Variants in IGSF9B observed in about 807,000 individuals in gnomAD.
The protein encoded by IGSF9B is protein turtle homolog B.
IGSF9B carries 48 observed loss-of-function variants against 143.7 expected under a neutral mutation model. That is an observed-to-expected ratio of 0.33 (90% CI 0.26 to 0.42). IGSF9B has a LOEUF of 0.42. IGSF9B is among the 20% of genes least tolerant of loss of function. The pLI is 1.00. For synonymous variants in IGSF9B, 903 were observed against 833.1 expected, an observed-to-expected ratio of 1.08 and a Z score of -1.44; for missense variants, 1,706 against 1,980.0, an observed-to-expected ratio of 0.86 and a Z score of 2.63.
In IGSF9B at chr11:133,900,075, G is replaced by A. The variant is rs1294937988; in HGVS notation, c.*8994C>T. 2 of 148,120 alleles carry A rather than the reference G, an allele frequency of 1.4e-5. No homozygotes were observed. Among genetic ancestry groups the A allele is most frequent in the African/African-American group, 4.9e-5 (2 of 41,102 alleles). 9.2% of individuals were successfully genotyped at this position (148,120 alleles called of 1,614,324 possible). A position where few individuals can be genotyped will look rare whatever the true frequency, so the allele number is the denominator to read the frequency against. On this transcript the variant is annotated 3_prime_UTR_variant, in exon 20 of 20. Transcript: ENST00000533871. ...GGCAGGGCCTCATAGGTCCATGTAA[G>A]GATCAAGAGTTAGACTCAAGCTTTA...
In IGSF9B at chr11:133,899,923, G is replaced by C. The variant is rs928605118; in HGVS notation, c.*9146C>G. 9 of 152,252 alleles carry C rather than the reference G, an allele frequency of 5.9e-5. No homozygotes were observed. The highest frequency in any genetic ancestry group is 2.2e-4 in the African/African-American group (9 of 41,548). The allele number at this position is 152,252 out of a possible 1,614,324, so 9.4% of individuals were successfully genotyped here. ...CATTCAAGGCAAGGATGGTGCCACT[G>C]ACAGTGGCACCAGCACTGGATCCTT... is the stretch of plus-strand genomic sequence containing the variant. On this transcript the variant is annotated 3_prime_UTR_variant, in exon 20 of 20. Coordinates refer to ENST00000533871, the MANE Select transcript of IGSF9B (RefSeq NM_001277285.4).
At chr11:133,923,888 T>C (rs1939582560) in intron 15 of IGSF9B, among the ~76,000 whole-genome samples, 1 of 152,244 alleles carries the variant, frequency 6.6e-6, no homozygotes, top group African/African-American at 2.4e-5. Flanking sequence ...CTCTCATCCC[T>C]GTTCCTCCAA....
rs777946193 is a variant in IGSF9B at position 133,952,103 on chromosome 11, G to A, written c.64+4588C>T. ...GACTCCTCCCAGCTCTGGCGCACTC[G>A]GACTCTTTCTCCAGAGCCCTCTTGG... is the stretch of plus-strand genomic sequence containing the variant. On this transcript the variant is annotated intron_variant, in intron 1 of 19. Transcript: ENST00000533871. The A allele has an allele frequency of 1.6e-4, 71 of 452,998 alleles. 1 individual carries two copies. Among genetic ancestry groups the A allele is most frequent in the Non-Finnish European group, 1.8e-5 (4 of 224,610 alleles). 28.1% of individuals were successfully genotyped at this position (452,998 alleles called of 1,614,324 possible). A position where few individuals can be genotyped will look rare whatever the true frequency, so the allele number is the denominator to read the frequency against.
rs760587799 is a variant in IGSF9B, at chr11:133,901,876, C to CCA, written c.*7191_*7192dup. On this transcript the variant is annotated 3_prime_UTR_variant, in exon 20 of 20. Coordinates refer to ENST00000533871, the MANE Select transcript of IGSF9B (RefSeq NM_001277285.4). ...GCACCACACACGCACCACACACGCA[C>CCA]CACACACACACACAACACACACACA... is the stretch of plus-strand genomic sequence containing the variant. Among the ~76,000 whole-genome samples, 14 of 142,268 alleles carry CCA rather than the reference C, an allele frequency of 9.8e-5. No individual in the cohort carries two copies. In the East Asian group the frequency reaches 2.5e-3, roughly 26 times the overall value. The allele number at this position is 142,268 out of a possible 152,430, so 93.3% of individuals were successfully genotyped here.
Position 133,898,017 on chromosome 11 carries a change from A to C in IGSF9B, c.*11052T>G, listed in dbSNP as rs1010729846. ...AAAAATCAGAAAGAAGACAAAATAC[A>C]GCAAGATATCAGGAGCCAGTGGGAG... On this transcript the variant is annotated 3_prime_UTR_variant, in exon 20 of 20. Coordinates refer to ENST00000533871, the MANE Select transcript of IGSF9B (RefSeq NM_001277285.4). 1.3e-5 allele frequency: 2 copies of C among 152,228 alleles called. No individual in the cohort carries two copies. Among genetic ancestry groups the C allele is most frequent in the African/African-American group, 2.4e-5 (1 of 41,454 alleles). 9.4% of individuals were successfully genotyped at this position (152,228 alleles called of 1,614,324 possible). A position where few individuals can be genotyped will look rare whatever the true frequency, so the allele number is the denominator to read the frequency against.
chr11:133,956,643 C>T, intron 1 of IGSF9B, 48 bp downstream of exon 1: 1 of 1,339,242 alleles, frequency 7.5e-7, no homozygotes, highest in Non-Finnish European at 1.0e-6. Flanking sequence ...GCGCGAGGGG[C>T]CGAGGGCGCC....
chr11:133,952,307 A>G (rs1294424905), intron 1 of IGSF9B: 2 of 287,072 alleles, frequency 7.0e-6, no homozygotes, highest in Non-Finnish European at 1.4e-5. Flanking sequence ...ACTGAGACAC[A>G]GCCACACCCT....
Position 133,919,892 on chromosome 11 carries a change from A to G in IGSF9B, c.3833T>C (p.Leu1278Pro). The change falls in exon 18 of 20, where the codon CTG becomes CCG. Residue 1278 changes from leucine (L) to proline (P), a missense_variant. Physicochemically the swap from Leu to Pro is moderately conservative, Grantham distance 98. Coordinates refer to ENST00000533871, the MANE Select transcript of IGSF9B (RefSeq NM_001277285.4). Reference sequence around the variant, plus strand: ...TGGAGGGGAAGGGTAGCCGGTGGCCAGAGTGGTGAAGCCCATGGCGGGCCG... The same window carrying G: ...TGGAGGGGAAGGGTAGCCGGTGGCCGGAGTGGTGAAGCCCATGGCGGGCCG... Reference protein sequence around the residue: ...SYRPAMGFTTLATGYPSPPPG... With the variant: ...SYRPAMGFTTPATGYPSPPPG... 6.3e-7 allele frequency: 1 copy of G among 1,579,192 alleles called. No individual in the cohort carries two copies. Among genetic ancestry groups the G allele is most frequent in the Non-Finnish European group, 8.6e-7 (1 of 1,162,056 alleles).
chr11:133,904,759 C>A lies in IGSF9B; in HGVS notation c.*4310G>T, dbSNP rs542788631. Among the ~76,000 whole-genome samples the A allele has an allele frequency of 5.3e-4, 80 of 152,040 alleles. No homozygotes were observed. Among genetic ancestry groups the A allele is most frequent in the African/African-American group, 1.9e-3 (79 of 41,430 alleles). The stretch of plus-strand genomic sequence containing the variant: ...CCCATGCCTGACCTCACCCTCTGTG[C>A]CCCTTCCAGCCTCACCAACACCTGG... On this transcript the variant is annotated 3_prime_UTR_variant, in exon 20 of 20. Coordinates refer to ENST00000533871, the MANE Select transcript of IGSF9B (RefSeq NM_001277285.4).
intron 18 of IGSF9B, among the ~76,000 whole-genome samples, chr11:133,917,212 G>A (rs1939403576): frequency 6.6e-6 from 1 of 152,318 alleles, no homozygotes; most frequent in Admixed American, 6.5e-5. Flanking sequence ...CCCAGGCACA[G>A]GGCAGAGGGT....
Position 133,901,647 on chromosome 11 carries a change from T to TA in IGSF9B, c.*7421dup, listed in dbSNP as rs1454804783. 1 of 152,106 alleles carries TA rather than the reference T, an allele frequency of 6.6e-6. No homozygotes were observed. Among genetic ancestry groups the TA allele is most frequent in the Admixed American group, 6.5e-5 (1 of 15,280 alleles). 9.4% of individuals were successfully genotyped at this position (152,106 alleles called of 1,614,324 possible). On this transcript the variant is annotated 3_prime_UTR_variant, in exon 20 of 20. Coordinates refer to ENST00000533871, the MANE Select transcript of IGSF9B (RefSeq NM_001277285.4). ...TATATAATTTTATGTACAGTCTCCA[T>TA]AAAAAATACATTAAAGATGGTGCAT...
intron 18 of IGSF9B, among the ~76,000 whole-genome samples, chr11:133,915,657 G>A (rs1008659391): frequency 6.6e-6 from 1 of 152,208 alleles, no homozygotes; most frequent in Non-Finnish European, 1.5e-5. Flanking sequence ...GAAAGATGCA[G>A]CCAGGTCAAA....
chr11:133,918,966 C>T (rs1033724405), intron 18 of IGSF9B: 7 of 469,316 alleles, frequency 1.5e-5, no homozygotes, highest in East Asian at 6.9e-5. Context: ...GGAGCGGGGA[C>T]GGCAGGGAAG....
chr11:133,920,995 G>A lies in IGSF9B; in HGVS notation c.2730C>T (p.Ser910=), dbSNP rs760958290. 6.2e-7 allele frequency: 1 copy of A among 1,611,262 alleles called. No homozygotes were observed. Among genetic ancestry groups the A allele is most frequent in the Non-Finnish European group, 8.5e-7 (1 of 1,178,102 alleles). ...GGCTGGATGACAGAGGGGTGAGCTG[G>A]GACTTCAGGGCGGCCACAGATGTGG... ...LVPTSVAALK[S]QLTPLSSSQE... is the part of the protein sequence containing the mutation. Residue 910 remains serine, a synonymous_variant, in exon 18 of 20, where the codon TCC becomes TCT. Transcript: ENST00000533871.
rs1939097883 is a variant in IGSF9B, at chr11:133,900,260, T to A, written c.*8809A>T. ...GGGGTTAGTACTGCCCTTTTCTGAG[T>A]GATGAGCAGGAATAAGGAGCCGAAA... is the stretch of plus-strand genomic sequence containing the variant. On this transcript the variant is annotated 3_prime_UTR_variant, in exon 20 of 20. Transcript: ENST00000533871. 2 of 152,514 alleles carry A rather than the reference T, an allele frequency of 1.3e-5. No homozygotes were observed. The highest frequency in any genetic ancestry group is 4.2e-4 in the South Asian group (2 of 4,814). The allele number at this position is 152,514 out of a possible 1,614,324, so 9.4% of individuals were successfully genotyped here. A position where few individuals can be genotyped will look rare whatever the true frequency, so the allele number is the denominator to read the frequency against.
Position 133,929,751 on chromosome 11 carries a change from C to G in IGSF9B, c.1551G>C (p.Arg517=). 1 of 1,613,802 alleles carries G rather than the reference C, an allele frequency of 6.2e-7. No homozygotes were observed. The highest frequency in any genetic ancestry group is 8.5e-7 in the Non-Finnish European group (1 of 1,179,754). Residue 517 remains arginine (R), a synonymous_variant, in exon 12 of 20, where the codon CGG becomes CGC. Transcript: ENST00000533871. ...TGGCAGTTGTCATGGAGACCTGGAC[C>G]CGGACACTGCCCGGGGCATGGGGGC... ...GTSPHAPGSV[R]VQVSMTTANV... is the part of the protein sequence containing the mutation.
At chr11:133,919,626 C>A in intron 18 of IGSF9B, 116 bp downstream of exon 18, 2 of 679,440 alleles carry the variant, frequency 2.9e-6, no homozygotes, top group Non-Finnish European at 4.4e-6. Flanking sequence ...GACGCCGGTG[C>A]GGCATGTCCG....
In IGSF9B at chr11:133,908,983, G is replaced by A. The variant is rs1939257438; in HGVS notation, c.*86C>T. ...ACAAAGGTCTGGGCCGCCCTTGGCA[G>A]ACGGAGGAGGACACACCCCCACACA... On this transcript the variant is annotated 3_prime_UTR_variant, in exon 20 of 20. Transcript: ENST00000533871. The A allele has an allele frequency of 8.4e-7, 1 of 1,193,706 alleles. No homozygotes were observed. The highest frequency in any genetic ancestry group is 1.5e-5 in the African/African-American group (1 of 66,372). The allele number at this position is 1,193,706 out of a possible 1,614,324, so 73.9% of individuals were successfully genotyped here.
In IGSF9B at chr11:133,945,341, G is replaced by A. The variant is rs746888183; in HGVS notation, c.262+720C>T. 6.6e-6 allele frequency among the ~76,000 whole-genome samples: 1 copy of A among 152,188 alleles called. No homozygotes were observed. Among genetic ancestry groups the A allele is most frequent in the African/African-American group, 2.4e-5 (1 of 41,452 alleles). On this transcript the variant is annotated intron_variant, in intron 2 of 19. Coordinates refer to ENST00000533871, the MANE Select transcript of IGSF9B (RefSeq NM_001277285.4). The surrounding 1 kb of genome is among the most constrained non-coding windows in gnomAD (Gnocchi z 4.6). ...ACAGGAGCGAAAGAGGGACAGAGAC[G>A]GAAGCATTCTGAGAAAGGCAGGGCA...
Sources: gnomAD v4.1 joint callset for allele counts (sites outside exome capture counted in the v4.1 genomes callset) on GRCh38, gnomAD v4.1.1 for gene constraint, Gnocchi (gnomAD v3.1) non-coding constraint, MANE v1.5 for transcripts, NCBI Gene and HGNC (gene_info 2026-07-23, HGNC 2026-07-21) for gene names.